Variants in TAMM41 observed in about 807,000 individuals in gnomAD.
TAMM41 encodes the protein phosphatidate cytidylyltransferase, mitochondrial.
A neutral mutation model predicts 44.1 loss-of-function variants in TAMM41; 36 were observed. The observed-to-expected ratio is 0.82, with a 90% CI of 0.63 to 1.08. The LOEUF is 1.08. Among genes scored for constraint, TAMM41 ranks in the 50% least tolerant of loss-of-function variants. The pLI, the probability that TAMM41 is intolerant of heterozygous loss-of-function variation, is 0.00. For missense variants in TAMM41, 417 were observed against 404.3 expected, an observed-to-expected ratio of 1.03 and a Z score of -0.27; for synonymous variants, 164 against 153.1, an observed-to-expected ratio of 1.07 and a Z score of -0.53.
chr3:11,806,922 A>T (rs1276128492), intron 7 of TAMM41, among the ~76,000 whole-genome samples: 1 of 152,248 alleles, frequency 6.6e-6, no homozygotes, highest in Non-Finnish European at 1.5e-5. Context: ...AGTAAAAGAT[A>T]AATGCAGCAA....
chr3:11,770,945 C>T, the TAMM41 span, among the ~76,000 whole-genome samples: 1 of 152,090 alleles, frequency 6.6e-6, no homozygotes, highest in African/African-American at 2.4e-5. Context: ...GGTACATGTA[C>T]CCCCTTCACT....
chr3:11,743,740 C>A, the TAMM41 span, among the ~76,000 whole-genome samples: 1 of 152,252 alleles, frequency 6.6e-6, no homozygotes, highest in East Asian at 1.9e-4. Context: ...TCACTTCTGG[C>A]CACTCTTACC....
intron 4 of TAMM41, among the ~76,000 whole-genome samples, chr3:11,818,615 G>A (rs1270502977): frequency 6.6e-6 from 1 of 152,146 alleles, no homozygotes; most frequent in Admixed American, 6.6e-5. Context: ...CAGACTTCCA[G>A]GCTGGGCGCG....
At chr3:11,830,358 T>C (rs1054134737) in intron 3 of TAMM41, among the ~76,000 whole-genome samples, 7 of 152,092 alleles carry the variant, frequency 4.6e-5, no homozygotes, top group Non-Finnish European at 1.0e-4. Context: ...CTAGCTACAG[T>C]AGAAAAAGAA....
At chr3:11,758,024 T>G in the TAMM41 span, among the ~76,000 whole-genome samples, 1 of 152,146 alleles carries the variant, frequency 6.6e-6, no homozygotes, top group African/African-American at 2.4e-5. Context: ...CCATTCAGTC[T>G]TGGGAGGGCA....
chr3:11,722,839 C>T, the TAMM41 span, among the ~76,000 whole-genome samples: 16 of 152,268 alleles, frequency 1.1e-4, no homozygotes, highest in East Asian at 3.9e-4. Flanking sequence ...TGTGGTGGCA[C>T]GCTGCTATAA....
At chr3:11,832,125 T>C (rs1322582154) in intron 3 of TAMM41, among the ~76,000 whole-genome samples, 1 of 152,202 alleles carries the variant, frequency 6.6e-6, no homozygotes, top group Non-Finnish European at 1.5e-5. Flanking sequence ...GGTTAACTTA[T>C]CTTGAAAGAT....
the TAMM41 span, among the ~76,000 whole-genome samples, chr3:11,761,407 C>T: frequency 9.2e-5 from 14 of 152,148 alleles, no homozygotes; most frequent in East Asian, 2.7e-3. Context: ...TGCCTCTATC[C>T]AGCCCCTGTG....
the TAMM41 span, among the ~76,000 whole-genome samples, chr3:11,746,924 C>T: frequency 2.0e-5 from 3 of 152,186 alleles, no homozygotes; most frequent in Non-Finnish European, 4.4e-5. Context: ...GCATGAGCCA[C>T]TATGCCAGAC....
At chr3:11,824,123 G>A (rs562504665) in intron 4 of TAMM41, among the ~76,000 whole-genome samples, 33 of 151,960 alleles carry the variant, frequency 2.2e-4, no homozygotes, top group African/African-American at 5.3e-4. Flanking sequence ...CACTGCGCCC[G>A]GCCTATCCAT....
At chr3:11,786,452 G>A (rs953394451), downstream of TAMM41, among the ~76,000 whole-genome samples, 1 of 151,630 alleles carries the variant, frequency 6.6e-6, no homozygotes, top group Non-Finnish European at 1.5e-5. Flanking sequence ...TTACAGGCAT[G>A]AGCCACCACA....
At chr3:11,776,481 T>C in the TAMM41 span, among the ~76,000 whole-genome samples, 2 of 152,064 alleles carry the variant, frequency 1.3e-5, no homozygotes, top group Admixed American at 1.3e-4. Context: ...TGTGGACATG[T>C]CTAGACACAC....
At chr3:11,809,383 A>T in intron 6 of TAMM41, 134 bp downstream of exon 6, 1 of 1,006,994 alleles carries the variant, frequency 9.9e-7, no homozygotes, top group Non-Finnish European at 1.4e-6. Flanking sequence ...TCAAATTTTT[A>T]GTGCTTTCTT....
At chr3:11,792,400 G>T (rs544394183) in intron 7 of TAMM41, among the ~76,000 whole-genome samples, 28 of 152,292 alleles carry the variant, frequency 1.8e-4, no homozygotes, top group African/African-American at 6.0e-4. Flanking sequence ...AAATGACTGG[G>T]TTGGAATAGA....
chr3:11,819,562 A>G (rs952279189), intron 4 of TAMM41, among the ~76,000 whole-genome samples: 1 of 152,196 alleles, frequency 6.6e-6, no homozygotes, highest in Admixed American at 6.5e-5. Context: ...ACAAGATGGA[A>G]AGTGATCATT....
At chr3:11,813,260 T>G (rs1031559619) in intron 5 of TAMM41, among the ~76,000 whole-genome samples, 2 of 152,124 alleles carry the variant, frequency 1.3e-5, no homozygotes, top group Non-Finnish European at 2.9e-5. Flanking sequence ...CCAGGTGCAG[T>G]GGCTCACACC....
the TAMM41 span, among the ~76,000 whole-genome samples, chr3:11,745,157 C>T: frequency 1.3e-5 from 2 of 152,066 alleles, no homozygotes; most frequent in African/African-American, 4.8e-5. Flanking sequence ...GCCACCACAC[C>T]CGGCCTACAA....
the TAMM41 span, among the ~76,000 whole-genome samples, chr3:11,784,704 A>C: frequency 6.6e-6 from 1 of 152,122 alleles, no homozygotes; most frequent in Non-Finnish European, 1.5e-5. Flanking sequence ...TAATTAAAAG[A>C]GGCATTAACA....
the TAMM41 span, among the ~76,000 whole-genome samples, chr3:11,753,576 T>A: frequency 1.4e-5 from 2 of 141,146 alleles, no homozygotes; most frequent in South Asian, 2.2e-4. Context: ...TAAAAAAAAA[T>A]AAAAAATAAA....
Sources: allele counts gnomAD v4.1 joint callset (sites outside exome capture counted in the v4.1 genomes callset), GRCh38; gene constraint gnomAD v4.1.1; transcripts MANE v1.5; gene names NCBI Gene and HGNC (gene_info 2026-07-23, HGNC 2026-07-21).